Variants in NPHP1 observed in about 807,000 individuals in gnomAD.
The protein encoded by NPHP1 is nephrocystin 1.
A neutral mutation model predicts 90.4 loss-of-function variants in NPHP1; 70 were observed. The ratio of observed to expected loss-of-function variants is 0.77; its 90% CI spans 0.64 to 0.95. The LOEUF (loss-of-function observed/expected upper bound fraction) is 0.95. Among genes scored for constraint, NPHP1 ranks in the 40% least tolerant of loss-of-function variants. NPHP1 has a pLI of 0.00. For missense variants in NPHP1, 764 were observed against 795.9 expected, an observed-to-expected ratio of 0.96 and a Z score of 0.48; for synonymous variants, 256 against 271.7, an observed-to-expected ratio of 0.94 and a Z score of 0.57.
At position 110,162,667 on chromosome 2, in the gene NPHP1, T is replaced by C. The variant is rs557809695; in HGVS notation, c.859+381A>G. 8.6e-4 allele frequency among the ~76,000 whole-genome samples: 131 copies of C among 152,230 alleles called. 2 individuals carry two copies. Among genetic ancestry groups the C allele is most frequent in the Admixed American group, 4.4e-3 (67 of 15,296 alleles). The stretch of plus-strand genomic sequence containing the variant: ...AAGAAGATCAGAGAAAAGGAGGTTT[T>C]GGCTAGAATGGGATAGGATTCAAGG... On this transcript the variant is annotated intron_variant, in intron 9 of 19. Transcript: ENST00000445609.
intron 2 of NPHP1, among the ~76,000 whole-genome samples, chr2:110,185,886 C>A (rs1479413354): frequency 6.6e-6 from 1 of 152,208 alleles, no homozygotes; most frequent in African/African-American, 2.4e-5. Flanking sequence ...CATTCCCCTT[C>A]CAGGGGCCTT....
In NPHP1 at chr2:110,203,315, C is replaced by CACT. The variant is rs1685697330; in HGVS notation, c.69+1582_69+1584dup. On this transcript the variant is annotated intron_variant, in intron 1 of 19. Coordinates refer to ENST00000445609, the MANE Select transcript of NPHP1 (RefSeq NM_001128178.3). ...AAGACTGCCTATTGGGTACTGTGCTCACTGCTTGTGTGATAGGCTCATCTG... is the reference window on the plus strand; with the variant it reads ...AAGACTGCCTATTGGGTACTGTGCTCACTACTGCTTGTGTGATAGGCTCATCTG... 2.6e-5 allele frequency among the ~76,000 whole-genome samples: 4 copies of CACT among 152,134 alleles called. No homozygotes were observed. The South Asian group carries it at 8.3e-4, about 32-fold the overall frequency.
chr2:110,125,923 A>T (rs1393537431), intron 18 of NPHP1: 2 of 544,034 alleles, frequency 3.7e-6, no homozygotes, highest in Middle Eastern at 5.0e-4. Context: ...ATCAAAACTA[A>T]CTTAAGAATA....
At chr2:110,190,396 C>T (rs893563865) in intron 2 of NPHP1, among the ~76,000 whole-genome samples, 36 of 152,168 alleles carry the variant, frequency 2.4e-4, no homozygotes, top group African/African-American at 6.5e-4. Context: ...CAGCTAAGGC[C>T]GGGTGAGAAA....
At position 110,123,806 on chromosome 2, in the gene NPHP1, T is replaced by C; in HGVS notation, c.2019A>G (p.Arg673=). ...GCTGCCACTGTCACACTGCATTCTT[T>C]CTCATTTCACCCAAGAAGTCATAGG... ...EQTYDFLGEM[R]KNAV The change falls in exon 20 of 20, where the codon AGA becomes AGG. Residue 673 remains arginine (R), a synonymous_variant. Transcript: ENST00000445609. The C allele has an allele frequency of 6.2e-7, 1 of 1,614,050 alleles. No homozygotes were observed. The highest frequency in any genetic ancestry group is 8.5e-7 in the Non-Finnish European group (1 of 1,179,972).
chr2:110,144,613 T>C (rs1310390624), intron 14 of NPHP1, 44 bp from the exon 15 acceptor site: 1 of 1,167,748 alleles, frequency 8.6e-7, no homozygotes, highest in Admixed American at 1.7e-5. Flanking sequence ...GCTGTGGGCA[T>C]GTAGAAAACA....
intron 6 of NPHP1, among the ~76,000 whole-genome samples, chr2:110,166,913 G>A (rs993388417): frequency 1.3e-5 from 2 of 152,164 alleles, no homozygotes; most frequent in African/African-American, 4.8e-5. Flanking sequence ...TGTAGCTAGT[G>A]AGCTCTTGAA....
chr2:110,129,133 G>A (rs991311043), intron 18 of NPHP1, 53 bp downstream of exon 18: 11 of 1,343,070 alleles, frequency 8.2e-6, no homozygotes, highest in African/African-American at 1.4e-5. Context: ...AACACAGAGT[G>A]TATAACTGCT....
At chr2:110,173,475 C>G (rs1553489936) in intron 4 of NPHP1, among the ~76,000 whole-genome samples, 1 of 152,100 alleles carries the variant, frequency 6.6e-6, no homozygotes, top group Non-Finnish European at 1.5e-5. Flanking sequence ...TGCTGCACAA[C>G]AATGTTTCAG....
chr2:110,172,304 A>G (rs1250765598), intron 4 of NPHP1, among the ~76,000 whole-genome samples: 1 of 151,914 alleles, frequency 6.6e-6, no homozygotes, highest in Non-Finnish European at 1.5e-5. Flanking sequence ...TTAATTTTCC[A>G]AAAACCAGTT....
chr2:110,196,420 G>T (rs1359636380), intron 2 of NPHP1, among the ~76,000 whole-genome samples: 1 of 152,260 alleles, frequency 6.6e-6, no homozygotes, highest in Admixed American at 6.5e-5. Context: ...ATCATCACTG[G>T]CCATCAGGGA....
intron 9 of NPHP1, among the ~76,000 whole-genome samples, chr2:110,162,686 T>C (rs910768202): frequency 6.6e-6 from 1 of 152,014 alleles, no homozygotes; most frequent in East Asian, 1.9e-4. Context: ...TGGGATAGGA[T>C]TCAAGGGGCT....
Position 110,184,432 on chromosome 2 carries a change from A to C in NPHP1, c.144-4748T>G, listed in dbSNP as rs1051883442. The C allele has an allele frequency of 6.1e-6, 4 of 661,070 alleles. No individual in the cohort carries two copies. The African/African-American group carries it at 7.2e-5, about 12-fold the overall frequency. The allele number at this position is 661,070 out of a possible 1,614,324, so 41.0% of individuals were successfully genotyped here. The stretch of plus-strand genomic sequence containing the variant: ...CAAAGACACCAGGAATGAGCTGCCA[A>C]CGTTTTCTTCAAGAGCTTCAATGTG... On this transcript the variant is annotated intron_variant, in intron 2 of 19. Transcript: ENST00000445609.
chr2:110,189,891 T>C (rs1026080243), intron 2 of NPHP1, among the ~76,000 whole-genome samples: 3 of 152,124 alleles, frequency 2.0e-5, no homozygotes, highest in Non-Finnish European at 2.9e-5. Context: ...AGGGTGCTGA[T>C]TGGTGTGTTT....
chr2:110,163,064 T>C lies in NPHP1; in HGVS notation c.843A>G (p.Ser281=), dbSNP rs1247543697. 3.7e-6 allele frequency: 6 copies of C among 1,612,492 alleles called. No homozygotes were observed. In the Admixed American group the frequency reaches 8.3e-5, roughly 22 times the overall value. The change falls in exon 9 of 20, where the codon TCA becomes TCG. Residue 281 remains serine, a synonymous_variant. Coordinates refer to ENST00000445609, the MANE Select transcript of NPHP1 (RefSeq NM_001128178.3). Reference sequence around the variant, plus strand: ...ACGCATTACCTTCCTCCAGAAGCTGTGAGAGCGTGGAAGGCCTGAACCCTG... The same window carrying C: ...ACGCATTACCTTCCTCCAGAAGCTGCGAGAGCGTGGAAGGCCTGAACCCTG... ...IPAGFRPSTL[S]QLLEEGNQFR... is the part of the protein sequence containing the mutation.
chr2:110,164,415 A>T (rs1682560484), intron 8 of NPHP1: 1 of 730,292 alleles, frequency 1.4e-6, no homozygotes, highest in African/African-American at 1.8e-5. Flanking sequence ...CACTCAAATG[A>T]TAGGAAAGCA....
intron 6 of NPHP1, among the ~76,000 whole-genome samples, chr2:110,167,147 T>C (rs925532200): frequency 4.6e-5 from 7 of 152,166 alleles, no homozygotes; most frequent in East Asian, 3.8e-4. Context: ...TCTTTGTCAC[T>C]GATTCCTGGC....
chr2:110,190,719 C>T (rs572970573), intron 2 of NPHP1, among the ~76,000 whole-genome samples: 30 of 152,294 alleles, frequency 2.0e-4, no homozygotes, highest in African/African-American at 6.5e-4. Flanking sequence ...CAAGAGTGAG[C>T]GAGGGCTGTG....
At chr2:110,161,539 G>T in intron 10 of NPHP1, 64 bp downstream of exon 10, 1 of 1,050,000 alleles carries the variant, frequency 9.5e-7, no homozygotes, top group Non-Finnish European at 1.5e-6. Context: ...CATGTTGTTT[G>T]TCTAATTGCA....
Sources: allele counts gnomAD v4.1 joint callset (sites outside exome capture counted in the v4.1 genomes callset), GRCh38; gene constraint gnomAD v4.1.1; transcripts MANE v1.5; gene names NCBI Gene and HGNC (gene_info 2026-07-23, HGNC 2026-07-21).